Variants in ZNF469 observed in about 807,000 individuals in gnomAD.
ZNF469 encodes zinc finger protein 469.
ZNF469 carries 1 observed loss-of-function variant against 1.0 expected under a neutral mutation model. The observed-to-expected ratio is 1.00, with a 90% CI of 0.35 to 4.73. The LOEUF (loss-of-function observed/expected upper bound fraction) is 4.73. ZNF469 is among the 30% of genes most tolerant of loss of function. The pLI is 0.16. For missense variants in ZNF469, 6,100 were observed against 5,356.3 expected (o/e 1.14, Z -4.33); for synonymous variants, 2,703 against 2,363.4 (o/e 1.14, Z -4.17).
At chr16:88,405,113 C>T (rs1904991103) in intron 1 of ZNF469, among the ~76,000 whole-genome samples, 1 of 152,066 alleles carries the variant, frequency 6.6e-6, no homozygotes, top group African/African-American at 2.4e-5. Flanking sequence ...GTGCTGTTGC[C>T]AACAATGGGA....
the ZNF469 span, among the ~76,000 whole-genome samples, chr16:88,184,188 C>T: frequency 6.6e-6 from 1 of 152,080 alleles, no homozygotes; most frequent in Non-Finnish European, 1.5e-5. Flanking sequence ...GGGACTGATT[C>T]TAGAGCCCCT....
chr16:88,437,645 A>C lies in ZNF469; in HGVS notation c.10175A>C (p.Glu3392Ala), dbSNP rs1451739908. 6.5e-7 allele frequency: 1 copy of C among 1,543,068 alleles called. No homozygotes were observed. The highest frequency in any genetic ancestry group is 2.0e-5 in the Admixed American group (1 of 50,812). ...AHLGGAHGLL[E>A]RPELQHTPLY... The stretch of plus-strand genomic sequence containing the variant: ...CTGGGCGGGGCGCACGGGCTGCTGG[A>C]GCGGCCGGAGCTGCAGCACACGCCG... Residue 3392 changes from glutamate (E) to alanine (A), a missense_variant, in exon 3 of 3, where the codon GAG becomes GCG. By Grantham distance (107) the Glu-to-Ala change is moderately radical. Coordinates refer to ENST00000565624, the MANE Select transcript of ZNF469 (RefSeq NM_001367624.2).
chr16:88,190,118 C>G, the ZNF469 span, among the ~76,000 whole-genome samples: 1 of 151,494 alleles, frequency 6.6e-6, no homozygotes, highest in East Asian at 2.0e-4. Context: ...GGCTTTAGAC[C>G]AGTGGACGGG....
rs1470411235 is a variant in ZNF469, at chr16:88,433,891, A to T, written c.6421A>T (p.Arg2141Trp). The part of the protein sequence containing the change: ...PREDPLTSPS[R>W]AQGGLGGQLP... ...TGAAGACCCACTTACCTCGCCTTCC[A>T]GGGCCCAAGGTGGGCTGGGGGGGCA... is the stretch of plus-strand genomic sequence containing the variant. Residue 2141 changes from arginine (R) to tryptophan (W), a missense_variant, in exon 3 of 3, where the codon AGG becomes TGG. By Grantham distance (101) the Arg-to-Trp change is moderately radical (BLOSUM62 -3). Transcript: ENST00000565624. 1 of 1,548,514 alleles carries T rather than the reference A, an allele frequency of 6.5e-7. No individual in the cohort carries two copies. The highest frequency in any genetic ancestry group is 8.7e-7 in the Non-Finnish European group (1 of 1,145,692).
chr16:88,148,171 G>A, the ZNF469 span, among the ~76,000 whole-genome samples: 2 of 152,062 alleles, frequency 1.3e-5, no homozygotes, highest in Non-Finnish European at 2.9e-5. Flanking sequence ...CTTTCCCCCA[G>A]TTCCTCCCAC....
At chr16:88,393,562 C>T (rs937225761) in intron 1 of ZNF469, among the ~76,000 whole-genome samples, 3 of 152,346 alleles carry the variant, frequency 2.0e-5, no homozygotes, top group Admixed American at 1.3e-4. Flanking sequence ...AGGAGCCCAT[C>T]GAGGAAAGAG....
the ZNF469 span, among the ~76,000 whole-genome samples, chr16:88,326,314 C>A: frequency 6.6e-6 from 1 of 152,196 alleles, no homozygotes; most frequent in Non-Finnish European, 1.5e-5. Context: ...TGCTGCCATC[C>A]ATTTAAGAAG....
At chr16:88,331,100 TGTCACCATCGCCACCACCATCACCATC>T in the ZNF469 span, among the ~76,000 whole-genome samples, 1 of 108,302 alleles carries the variant, frequency 9.2e-6, no homozygotes, top group African/African-American at 3.7e-5. Context: ...CTATCACCAT[TGTCACCATCGCCACCACCATCACCATC>T]GTCACCATCA....
At chr16:88,142,572 A>G in the ZNF469 span, among the ~76,000 whole-genome samples, 1 of 152,196 alleles carries the variant, frequency 6.6e-6, no homozygotes, top group Non-Finnish European at 1.5e-5. Context: ...CGTGAGCCTC[A>G]AGTCTCAGGA....
the ZNF469 span, among the ~76,000 whole-genome samples, chr16:88,147,530 C>T: frequency 1.3e-3 from 201 of 152,030 alleles, 4 homozygotes; most frequent in South Asian, 0.038. Flanking sequence ...AGATTCTGGT[C>T]GGTGCTGGGA....
the ZNF469 span, among the ~76,000 whole-genome samples, chr16:88,184,748 C>T: frequency 6.6e-6 from 1 of 152,226 alleles, no homozygotes; most frequent in Non-Finnish European, 1.5e-5. Context: ...TTGGGACGTG[C>T]GAGAGGCATT....
At position 88,436,239 on chromosome 16, in the gene ZNF469, G is replaced by A. The variant is rs1442696423; in HGVS notation, c.8769G>A (p.Glu2923=). 1.3e-6 allele frequency: 2 copies of A among 1,549,516 alleles called. No individual in the cohort carries two copies. The highest frequency in any genetic ancestry group is 8.7e-7 in the Non-Finnish European group (1 of 1,146,872). The stretch of plus-strand genomic sequence containing the variant: ...CCAGCTCCCTCTGCCTCTGCCATGA[G>A]GACCCGTGGGAGGACGAGGATCCCG... ...SDSSSLCLCH[E]DPWEDEDPAG... The change falls in exon 3 of 3, where the codon GAG becomes GAA. Residue 2923 remains glutamate (E), a synonymous_variant. Transcript: ENST00000565624.
chr16:88,380,282 TGCACAC>T (rs2092517721), upstream of ZNF469, among the ~76,000 whole-genome samples: 1 of 73,012 alleles, frequency 1.4e-5, no homozygotes, highest in African/African-American at 8.2e-5. Flanking sequence ...CACCCAGACA[TGCACAC>T]ACACACACGC....
At chr16:88,275,997 C>A in the ZNF469 span, among the ~76,000 whole-genome samples, 1 of 152,174 alleles carries the variant, frequency 6.6e-6, no homozygotes, top group Non-Finnish European at 1.5e-5. Context: ...GCAGCGACCC[C>A]GGCAGGACCA....
chr16:88,128,795 G>A, the ZNF469 span, among the ~76,000 whole-genome samples: 1 of 152,236 alleles, frequency 6.6e-6, no homozygotes, highest in African/African-American at 2.4e-5. Context: ...GGATAGTCCA[G>A]ACAGAGCATC....
the ZNF469 span, among the ~76,000 whole-genome samples, chr16:88,163,453 T>C: frequency 6.7e-6 from 1 of 150,138 alleles, no homozygotes; most frequent in African/African-American, 2.5e-5. Flanking sequence ...GATGGAGTGA[T>C]GGATGGATGG....
the ZNF469 span, among the ~76,000 whole-genome samples, chr16:88,265,388 G>A: frequency 3.3e-5 from 5 of 152,194 alleles, no homozygotes; most frequent in Non-Finnish European, 7.4e-5. Flanking sequence ...CCCGAGGGCT[G>A]CGGGAGGTGC....
chr16:88,296,872 GCACACCAGGCAGAAGGA>G, the ZNF469 span, among the ~76,000 whole-genome samples: 1 of 152,236 alleles, frequency 6.6e-6, no homozygotes, highest in Non-Finnish European at 1.5e-5. Context: ...GGAGGGACAG[GCACACCAGGCAGAAGGA>G]CAGCCCTGGT....
the ZNF469 span, among the ~76,000 whole-genome samples, chr16:88,269,309 G>A: frequency 9.2e-5 from 14 of 152,048 alleles, no homozygotes; most frequent in Middle Eastern, 3.4e-3. Context: ...TGACAGGTGG[G>A]TGCACCCAGG....
Sources: gnomAD v4.1 joint callset for allele counts (sites outside exome capture counted in the v4.1 genomes callset) on GRCh38, gnomAD v4.1.1 for gene constraint, MANE v1.5 for transcripts, NCBI Gene and HGNC (gene_info 2026-07-23, HGNC 2026-07-21) for gene names.